Variants in ARSJ observed in about 807,000 individuals in gnomAD.
ARSJ encodes arylsulfatase family member J.
ARSJ carries 26 observed loss-of-function variants against 35.9 expected under a neutral mutation model. The ratio of observed to expected loss-of-function variants is 0.72; its 90% CI spans 0.53 to 1.00. ARSJ has a LOEUF of 1.00. Among genes scored for constraint, ARSJ ranks in the 50% least tolerant of loss-of-function variants. The probability of loss-of-function intolerance (pLI) is 0.00; values close to 1 mark genes in which losing one functional copy is unlikely to be tolerated. For missense variants in ARSJ, 667 were observed against 723.6 expected (o/e 0.92, Z 0.90); for synonymous variants, 294 against 267.6 (o/e 1.10, Z -0.96).
At chr4:113,923,961 G>A (rs1464604416) in intron 1 of ARSJ, among the ~76,000 whole-genome samples, 1 of 148,096 alleles carries the variant, frequency 6.8e-6, no homozygotes, top group African/African-American at 2.5e-5. Flanking sequence ...TGTCTTCTCT[G>A]TGCTTTAGTT....
chr4:113,962,605 A>G (rs552704076), intron 1 of ARSJ, among the ~76,000 whole-genome samples: 6 of 151,692 alleles, frequency 4.0e-5, no homozygotes, highest in African/African-American at 1.2e-4. Flanking sequence ...TGCAGAATAT[A>G]CTCAGAATCC....
chr4:113,951,088 G>A (rs1266850168), intron 1 of ARSJ, among the ~76,000 whole-genome samples: 1 of 152,068 alleles, frequency 6.6e-6, no homozygotes, highest in Non-Finnish European at 1.5e-5. Context: ...ACCCAGGGCA[G>A]TACAGCTATA....
At chr4:113,971,202 G>GA (rs1727225480) in intron 1 of ARSJ, among the ~76,000 whole-genome samples, 1 of 151,968 alleles carries the variant, frequency 6.6e-6, no homozygotes, top group Non-Finnish European at 1.5e-5. Flanking sequence ...ATTGCTATAA[G>GA]AAAAAACTGA....
At chr4:113,923,731 T>A (rs1723828844) in intron 1 of ARSJ, among the ~76,000 whole-genome samples, 1 of 151,990 alleles carries the variant, frequency 6.6e-6, no homozygotes, top group Non-Finnish European at 1.5e-5. Context: ...AGTTTCTTAG[T>A]TATATTAGCC....
intron 1 of ARSJ, among the ~76,000 whole-genome samples, chr4:113,961,692 T>A (rs192275723): frequency 2.6e-5 from 4 of 152,244 alleles, no homozygotes; most frequent in Admixed American, 1.3e-4. Context: ...AATGACCTAT[T>A]TTTAGCTATT....
At chr4:113,946,702 TATA>T (rs1725509735) in intron 1 of ARSJ, among the ~76,000 whole-genome samples, 1 of 142,896 alleles carries the variant, frequency 7.0e-6, no homozygotes, top group Admixed American at 7.4e-5. Flanking sequence ...ATAATGCACT[TATA>T]ATATTTTGCA....
chr4:113,932,622 A>G (rs1265353643), intron 1 of ARSJ, among the ~76,000 whole-genome samples: 1 of 152,060 alleles, frequency 6.6e-6, no homozygotes, highest in African/African-American at 2.4e-5. Context: ...GGGTCAAAGA[A>G]GAAATTAAGA....
chr4:113,910,265 C>A (rs1422641887), intron 1 of ARSJ, among the ~76,000 whole-genome samples: 1 of 152,114 alleles, frequency 6.6e-6, no homozygotes. Flanking sequence ...ATTTGTATTA[C>A]TGGGTGCTGG....
intron 1 of ARSJ, among the ~76,000 whole-genome samples, chr4:113,910,001 T>C (rs975991249): frequency 2.6e-5 from 4 of 152,178 alleles, no homozygotes; most frequent in African/African-American, 9.6e-5. Context: ...ATTTTTCATA[T>C]AATATATTCC....
chr4:113,901,181 T>C lies in ARSJ; in HGVS notation c.*1093A>G, dbSNP rs529246196. ...AGATCAGAAAAGCCACAGTAAATTT[T>C]CTAGTGCCATAAAGTAAATCATTTT... On this transcript the variant is annotated 3_prime_UTR_variant, in exon 2 of 2. Transcript: ENST00000315366. The C allele has an allele frequency of 2.6e-5, 4 of 152,326 alleles. No homozygotes were observed. In the South Asian group the frequency reaches 8.3e-4, roughly 32 times the overall value. The allele number at this position is 152,326 out of a possible 1,614,324, so 9.4% of individuals were successfully genotyped here. A position where few individuals can be genotyped will look rare whatever the true frequency, so the allele number is the denominator to read the frequency against.
chr4:113,959,280 C>G (rs77577117), intron 1 of ARSJ, among the ~76,000 whole-genome samples: 11 of 151,964 alleles, frequency 7.2e-5, no homozygotes, highest in African/African-American at 2.7e-4. Context: ...GTCCCATTAA[C>G]AGCTCTACCT....
At chr4:113,932,270 C>T (rs1032620543) in intron 1 of ARSJ, among the ~76,000 whole-genome samples, 7 of 151,816 alleles carry the variant, frequency 4.6e-5, no homozygotes, top group Non-Finnish European at 1.0e-4. Context: ...ATCATAGTAG[C>T]GAACTTCAAC....
At chr4:113,934,937 T>C (rs1323970435) in intron 1 of ARSJ, among the ~76,000 whole-genome samples, 1 of 151,792 alleles carries the variant, frequency 6.6e-6, no homozygotes, top group Non-Finnish European at 1.5e-5. Flanking sequence ...AAACCACTTT[T>C]CCAGTGCAAA....
At chr4:113,946,572 T>TACAC (rs138434069) in intron 1 of ARSJ, among the ~76,000 whole-genome samples, 18,167 of 147,272 alleles carry the variant, frequency 0.12, 1,125 homozygotes, top group Middle Eastern at 0.19. Context: ...ACACACACCA[T>TACAC]ACACACACAC....
At chr4:113,924,076 A>AATATATATATATATATATAT (rs1164333093) in intron 1 of ARSJ, among the ~76,000 whole-genome samples, 3 of 95,744 alleles carry the variant, frequency 3.1e-5, no homozygotes, top group African/African-American at 4.8e-5. Context: ...AATATATATA[A>AATATATATATATATATATAT]ATATATATAT....
At chr4:113,907,033 C>A (rs1016802366) in intron 1 of ARSJ, among the ~76,000 whole-genome samples, 1 of 152,180 alleles carries the variant, frequency 6.6e-6, no homozygotes, top group Non-Finnish European at 1.5e-5. Context: ...GCACCCTCAA[C>A]CTGCCCCACC....
chr4:113,914,124 C>T (rs1003516415), intron 1 of ARSJ, among the ~76,000 whole-genome samples: 3 of 152,044 alleles, frequency 2.0e-5, no homozygotes, highest in African/African-American at 7.2e-5. Context: ...CAGGCACCCA[C>T]CACCACGCCC....
At chr4:113,926,463 G>A (rs1183334836) in intron 1 of ARSJ, among the ~76,000 whole-genome samples, 1 of 152,142 alleles carries the variant, frequency 6.6e-6, no homozygotes, top group Non-Finnish European at 1.5e-5. Context: ...TGCATGTTGT[G>A]CAGAACCATC....
At position 113,963,983 on chromosome 4, in the gene ARSJ, T is replaced by A. The variant is rs528062433; in HGVS notation, c.398+14454A>T. Among the ~76,000 whole-genome samples, 433 of 152,194 alleles carry A rather than the reference T, an allele frequency of 2.8e-3. 4 individuals carry two copies. Among genetic ancestry groups the A allele is most frequent in the African/African-American group, 9.7e-3 (402 of 41,542 alleles). On this transcript the variant is annotated intron_variant, in intron 1 of 1. Coordinates refer to ENST00000315366, the MANE Select transcript of ARSJ (RefSeq NM_024590.4). ...AAAACACTATTTTAAATTGCTTTTT[T>A]TTTGTTTTATTATTTTGACATCTGG...
Sources: gnomAD v4.1 joint callset for allele counts (sites outside exome capture counted in the v4.1 genomes callset) on GRCh38, gnomAD v4.1.1 for gene constraint, MANE v1.5 for transcripts, NCBI Gene and HGNC (gene_info 2026-07-23, HGNC 2026-07-21) for gene names.